The following KIF6 variants were observed in gnomAD, a reference collection of about 807,000 sequenced individuals.
The protein encoded by KIF6 is kinesin-like protein KIF6.
Under a neutral mutation model 112.7 loss-of-function variants are expected in KIF6, and 106 were observed. That is an observed-to-expected ratio of 0.94 (90% CI 0.80 to 1.11). KIF6 has a LOEUF of 1.11. Ranked by LOEUF, KIF6 falls within the 50% of genes least tolerant of loss-of-function variation. KIF6 has a pLI of 0.00. For synonymous variants in KIF6, 339 were observed against 339.9 expected, an observed-to-expected ratio of 1.00 and a Z score of 0.03; for missense variants, 929 against 964.0, an observed-to-expected ratio of 0.96 and a Z score of 0.48.
At chr6:39,524,451 G>C (rs1777589490) in intron 13 of KIF6, among the ~76,000 whole-genome samples, 1 of 152,132 alleles carries the variant, frequency 6.6e-6, no homozygotes, top group Admixed American at 6.6e-5. Flanking sequence ...TAGATACTGT[G>C]ATGCGCCATC....
At chr6:39,461,220 G>A (rs1773451798) in intron 13 of KIF6, among the ~76,000 whole-genome samples, 1 of 152,096 alleles carries the variant, frequency 6.6e-6, no homozygotes, top group African/African-American at 2.4e-5. Context: ...GGTCTATAAT[G>A]ACAATTATAG....
intron 13 of KIF6, among the ~76,000 whole-genome samples, chr6:39,436,649 T>C (rs1771553210): frequency 6.6e-6 from 1 of 152,324 alleles, no homozygotes; most frequent in East Asian, 1.9e-4. Flanking sequence ...TATGTTTTTG[T>C]CTGCATTGTC....
intron 15 of KIF6, among the ~76,000 whole-genome samples, chr6:39,413,494 A>G (rs557304756): frequency 6.6e-6 from 1 of 152,270 alleles, no homozygotes; most frequent in South Asian, 2.1e-4. Context: ...AGAGTGTTTT[A>G]TTCCCCTGGC....
chr6:39,521,452 G>A (rs901794469), intron 13 of KIF6, among the ~76,000 whole-genome samples: 5 of 152,046 alleles, frequency 3.3e-5, no homozygotes, highest in Non-Finnish European at 7.4e-5. Context: ...CTATGAAGCC[G>A]CAAAACTGTT....
At chr6:39,602,790 A>G (rs949075216) in intron 6 of KIF6, among the ~76,000 whole-genome samples, 4 of 152,048 alleles carry the variant, frequency 2.6e-5, no homozygotes, top group African/African-American at 9.7e-5. Context: ...TACATCTTCA[A>G]TTGCCTTTTC....
intron 3 of KIF6, among the ~76,000 whole-genome samples, chr6:39,648,223 CG>C (rs34604470): frequency 5.3e-4 from 33 of 61,720 alleles, no homozygotes; most frequent in East Asian, 5.1e-3. Context: ...GGGGGGCGGG[CG>C]GGGGGGGGTG....
chr6:39,406,565 T>C (rs1233653276), intron 15 of KIF6, among the ~76,000 whole-genome samples: 1 of 152,240 alleles, frequency 6.6e-6, no homozygotes, highest in Non-Finnish European at 1.5e-5. Flanking sequence ...GTTGATTAGA[T>C]CTTTTCTCTT....
At position 39,360,521 on chromosome 6, in the gene KIF6, T is replaced by C; in HGVS notation, c.1956A>G (p.Thr652=). Residue 652 remains threonine, a synonymous_variant, in exon 18 of 23, where the codon ACA becomes ACG. Transcript: ENST00000287152. ...QLEEEKRRYK[T]MFTRLKALKV... is the part of the protein sequence containing the mutation. ...TCAGGGCTTTCAGGCGAGTGAACAT[T>C]GTTTTATACCTGCGGTGGAATCGGG... is the stretch of plus-strand genomic sequence containing the variant. 2 of 1,614,190 alleles carry C rather than the reference T, an allele frequency of 1.2e-6. No homozygotes were observed. The highest frequency in any genetic ancestry group is 1.7e-6 in the Non-Finnish European group (2 of 1,180,026).
At chr6:39,639,497 A>G in intron 4 of KIF6, 113 bp downstream of exon 4, 1 of 888,910 alleles carries the variant, frequency 1.1e-6, no homozygotes, top group Non-Finnish European at 1.6e-6. Context: ...ATGACACAAT[A>G]AGACTTTATC....
chr6:39,428,049 T>G (rs563233828), intron 14 of KIF6, among the ~76,000 whole-genome samples: 1 of 152,328 alleles, frequency 6.6e-6, no homozygotes, highest in South Asian at 2.1e-4. Context: ...CCTGTAGTGT[T>G]TGGGGGATCT....
intron 15 of KIF6, among the ~76,000 whole-genome samples, chr6:39,400,609 C>T (rs1252213226): frequency 6.6e-6 from 1 of 152,090 alleles, no homozygotes; most frequent in Non-Finnish European, 1.5e-5. Context: ...TGAGATAGTT[C>T]TTGCTTTGGG....
At chr6:39,668,544 T>C (rs1786616279) in intron 3 of KIF6, among the ~76,000 whole-genome samples, 1 of 152,130 alleles carries the variant, frequency 6.6e-6, no homozygotes, top group Admixed American at 6.5e-5. Context: ...ATAAAGTCAT[T>C]CAGGCTTTGC....
chr6:39,718,194 C>T (rs971991908), intron 2 of KIF6, among the ~76,000 whole-genome samples: 8 of 133,474 alleles, frequency 6.0e-5, no homozygotes, highest in Non-Finnish European at 1.2e-4. Context: ...CGCGCCATTG[C>T]ACTCCAGCCT....
chr6:39,502,731 A>T (rs1259179652), intron 13 of KIF6, among the ~76,000 whole-genome samples: 1 of 152,224 alleles, frequency 6.6e-6, no homozygotes, highest in East Asian at 1.9e-4. Flanking sequence ...ACCAACAAAG[A>T]TCAAAAGAGA....
intron 3 of KIF6, among the ~76,000 whole-genome samples, chr6:39,663,133 A>T (rs930308522): frequency 1.3e-5 from 2 of 152,104 alleles, no homozygotes; most frequent in Non-Finnish European, 2.9e-5. Flanking sequence ...GACTCAAGTG[A>T]TCCACTGGCC....
At chr6:39,347,477 GCGCGTGGACA>G (rs1763896499) in intron 19 of KIF6, among the ~76,000 whole-genome samples, 1 of 152,234 alleles carries the variant, frequency 6.6e-6, no homozygotes, top group Non-Finnish European at 1.5e-5. Flanking sequence ...AGGTGAAGAG[GCGCGTGGACA>G]CGGCTGGTTG....
intron 10 of KIF6, among the ~76,000 whole-genome samples, chr6:39,547,452 C>T (rs771888779): frequency 6.6e-6 from 1 of 152,070 alleles, no homozygotes; most frequent in Admixed American, 6.6e-5. Flanking sequence ...TTTAAAAAAT[C>T]ATGTAAATTA....
In KIF6 at chr6:39,515,656, C is replaced by T. The variant is rs116473225; in HGVS notation, c.1645+24347G>A. Among the ~76,000 whole-genome samples, 1,460 of 152,308 alleles carry T rather than the reference C, an allele frequency of 9.6e-3. 19 individuals carry two copies. The highest frequency in any genetic ancestry group is 0.032 in the African/African-American group (1,347 of 41,578). ...ACCCGGAATACGACTAACATGTCAT[C>T]ACAAAGCCACATAGGAGATGTGGTT... On this transcript the variant is annotated intron_variant, in intron 13 of 22. Transcript: ENST00000287152.
At chr6:39,514,890 A>T (rs1323151938) in intron 13 of KIF6, among the ~76,000 whole-genome samples, 1 of 152,236 alleles carries the variant, frequency 6.6e-6, no homozygotes, top group African/African-American at 2.4e-5. Flanking sequence ...TTGATTAATG[A>T]TAGAAAGACC....
Sources: gnomAD v4.1 joint callset for allele counts (sites outside exome capture counted in the v4.1 genomes callset) on GRCh38, gnomAD v4.1.1 for gene constraint, MANE v1.5 for transcripts, NCBI Gene and HGNC (gene_info 2026-07-23, HGNC 2026-07-21) for gene names.